Variants in CACHD1 observed in about 807,000 individuals in gnomAD.
CACHD1 encodes the protein VWFA and cache domain-containing protein 1.
Under a neutral mutation model 138.7 loss-of-function variants are expected in CACHD1, and 71 were observed. The ratio of observed to expected loss-of-function variants is 0.51; its 90% CI spans 0.42 to 0.62. The LOEUF is 0.62. Ranked by LOEUF, CACHD1 falls within the 20% of genes least tolerant of loss-of-function variation. The pLI, the probability that CACHD1 is intolerant of heterozygous loss-of-function variation, is 0.00. For synonymous variants in CACHD1, 578 were observed against 591.5 expected, an observed-to-expected ratio of 0.98 and a Z score of 0.33; for missense variants, 1,389 against 1,625.3, an observed-to-expected ratio of 0.85 and a Z score of 2.50.
At chr1:64,592,602 G>A (rs1647115311) in intron 3 of CACHD1, among the ~76,000 whole-genome samples, 1 of 152,144 alleles carries the variant, frequency 6.6e-6, no homozygotes, top group Admixed American at 6.5e-5. Context: ...TATAGCAATT[G>A]AGGATGGGGA....
chr1:64,582,450 A>T, intron 3 of CACHD1, 146 bp downstream of exon 3: 1 of 710,264 alleles, frequency 1.4e-6, no homozygotes, highest in Non-Finnish European at 2.2e-6. Context: ...TTATCTTTAG[A>T]TAAGTGATTT....
At chr1:64,599,526 A>G (rs1647193377) in intron 3 of CACHD1, among the ~76,000 whole-genome samples, 2 of 152,114 alleles carry the variant, frequency 1.3e-5, no homozygotes, top group South Asian at 4.2e-4. Context: ...GGGAGGGGCC[A>G]GTTTCGTTAG....
chr1:64,638,532 C>T (rs143698726), intron 7 of CACHD1, among the ~76,000 whole-genome samples: 1 of 152,090 alleles, frequency 6.6e-6, no homozygotes, highest in Non-Finnish European at 1.5e-5. Flanking sequence ...GCATTAACAT[C>T]CTGGAGTTGT....
At chr1:64,600,040 CTCTT>C (rs1378262871) in intron 3 of CACHD1, among the ~76,000 whole-genome samples, 2 of 152,136 alleles carry the variant, frequency 1.3e-5, no homozygotes, top group Non-Finnish European at 2.9e-5. Context: ...GTTTAAGTCT[CTCTT>C]AGGTCCCTGA....
intron 1 of CACHD1, among the ~76,000 whole-genome samples, chr1:64,546,768 T>C (rs1646721283): frequency 6.6e-6 from 1 of 152,212 alleles, no homozygotes; most frequent in Non-Finnish European, 1.5e-5. Context: ...TCCTGGCTCT[T>C]GCATTAAAAT....
At chr1:64,598,567 C>T (rs1350627421) in intron 3 of CACHD1, among the ~76,000 whole-genome samples, 3 of 152,138 alleles carry the variant, frequency 2.0e-5, no homozygotes, top group South Asian at 2.1e-4. Flanking sequence ...TATAAATCCT[C>T]CAGTAACCTA....
rs67605354 is a variant in CACHD1 at position 64,640,741 on chromosome 1, T to TTATATATATATATATATATATATA, written c.1007-1077_1007-1054dup. The stretch of plus-strand genomic sequence containing the variant: ...CACACACACACACACACTCTCAACA[T>TTATATATATATATATATATATATA]TATATATATATATATATATATATAT... On this transcript the variant is annotated intron_variant, in intron 7 of 26. Coordinates refer to ENST00000651257, the MANE Select transcript of CACHD1 (RefSeq NM_020925.4). Among the ~76,000 whole-genome samples, 27 of 149,394 alleles carry TTATATATATATATATATATATATA rather than the reference T, an allele frequency of 1.8e-4. 1 individual carries two copies. Among genetic ancestry groups the TTATATATATATATATATATATATA allele is most frequent in the African/African-American group, 6.6e-4 (26 of 39,666 alleles).
In CACHD1 at chr1:64,604,958, CT is replaced by C. The variant is rs1214400547; in HGVS notation, c.517+2054del. 5.0e-4 allele frequency among the ~76,000 whole-genome samples: 71 copies of C among 143,032 alleles called. 1 individual carries two copies. Among genetic ancestry groups the C allele is most frequent in the African/African-American group, 1.8e-3 (67 of 38,028 alleles). The allele number at this position is 143,032 out of a possible 152,430, so 93.8% of individuals were successfully genotyped here. On this transcript the variant is annotated intron_variant, in intron 4 of 26. Transcript: ENST00000651257. Reference sequence around the variant, plus strand: ...GAGCCACCTCGCCTAGGCTTTTTTTCTTTTTTTTCTTTGTTTTTTTTTTTTA... The same window carrying C: ...GAGCCACCTCGCCTAGGCTTTTTTTCTTTTTTTCTTTGTTTTTTTTTTTTA...
At position 64,626,562 on chromosome 1, in the gene CACHD1, T is replaced by C. The variant is rs76038471; in HGVS notation, c.518-2793T>C. Among the ~76,000 whole-genome samples the C allele has an allele frequency of 4.2e-3, 645 of 152,348 alleles. 5 individuals are homozygous for C. The highest frequency in any genetic ancestry group is 0.015 in the African/African-American group (617 of 41,576). On this transcript the variant is annotated intron_variant, in intron 4 of 26. Coordinates refer to ENST00000651257, the MANE Select transcript of CACHD1 (RefSeq NM_020925.4). ...CCTTTAATAAGTCATTGAGAGGAACTTGGCCTCTGGCTTCCTGTCTTGCTA... is the reference window on the plus strand; with the variant it reads ...CCTTTAATAAGTCATTGAGAGGAACCTGGCCTCTGGCTTCCTGTCTTGCTA...
intron 1 of CACHD1, among the ~76,000 whole-genome samples, chr1:64,478,785 A>T (rs1285026051): frequency 1.3e-5 from 2 of 152,152 alleles, no homozygotes; most frequent in Non-Finnish European, 2.9e-5. Context: ...GTAGGTAAGC[A>T]GGGAGTGGTG....
At position 64,582,239 on chromosome 1, in the gene CACHD1, G is replaced by T. The variant is rs375330131; in HGVS notation, c.345G>T (p.Thr115=). 6.2e-7 allele frequency: 1 copy of T among 1,613,880 alleles called. No homozygotes were observed. The change falls in exon 3 of 27, where the codon ACG becomes ACT. Residue 115 remains threonine, a synonymous_variant. Coordinates refer to ENST00000651257, the MANE Select transcript of CACHD1 (RefSeq NM_020925.4). ...AGCAAGTTGTAGAAGCATCCTATAC[G>T]GCTCACCTAACCTCTCCCCTAACTG... The part of the protein sequence containing the change: ...RNKQVVEASY[T]AHLTSPLTAI...
chr1:64,610,965 G>A (rs901386022), intron 4 of CACHD1, among the ~76,000 whole-genome samples: 1 of 152,200 alleles, frequency 6.6e-6, no homozygotes. Flanking sequence ...CCCAAACCTC[G>A]GCTCTTGTCG....
At chr1:64,562,691 G>A (rs1352103089) in intron 2 of CACHD1, among the ~76,000 whole-genome samples, 1 of 151,772 alleles carries the variant, frequency 6.6e-6, no homozygotes, top group East Asian at 1.9e-4. Context: ...AAAGTGCTGG[G>A]ATTACAGGAG....
At chr1:64,617,705 C>T (rs979047317) in intron 4 of CACHD1, among the ~76,000 whole-genome samples, 3 of 152,188 alleles carry the variant, frequency 2.0e-5, no homozygotes, top group Non-Finnish European at 4.4e-5. Context: ...GATCACTGAG[C>T]AACATGGCCT....
At chr1:64,561,257 CT>C (rs1646837020) in intron 2 of CACHD1, among the ~76,000 whole-genome samples, 1 of 151,764 alleles carries the variant, frequency 6.6e-6, no homozygotes, top group African/African-American at 2.4e-5. Context: ...ATCTAAAACC[CT>C]TGCAACTTAC....
intron 4 of CACHD1, among the ~76,000 whole-genome samples, chr1:64,628,673 C>T (rs1293056628): frequency 1.3e-5 from 2 of 152,072 alleles, no homozygotes; most frequent in Non-Finnish European, 2.9e-5. Context: ...AGGTTTGAAT[C>T]CCAGCTTGGC....
chr1:64,531,989 C>T (rs566596822), intron 1 of CACHD1, among the ~76,000 whole-genome samples: 1 of 152,262 alleles, frequency 6.6e-6, no homozygotes, highest in South Asian at 2.1e-4. Context: ...TAGAAACTCA[C>T]AGGATAGGGA....
At chr1:64,661,472 G>T (rs1256983997) in intron 13 of CACHD1, among the ~76,000 whole-genome samples, 2 of 152,102 alleles carry the variant, frequency 1.3e-5, no homozygotes, top group African/African-American at 4.8e-5. Context: ...CTACAAAAGA[G>T]ACCCCAAGCC....
rs1650010826 is a variant in CACHD1 at position 64,676,922 on chromosome 1, G to A, written c.3003G>A (p.Glu1001=). 48 of 1,613,664 alleles carry A rather than the reference G, an allele frequency of 3.0e-5. No homozygotes were observed. Among genetic ancestry groups the A allele is most frequent in the Non-Finnish European group, 4.0e-5 (47 of 1,179,868 alleles). ...ACCCCAGCTGCGAGGTCCACCAGGA[G>A]CCGGTGACATACACAGCTATTGACC... ...NRNPSCEVHQ[E]PVTYTAIDPG... is the part of the protein sequence containing the mutation. The change falls in exon 22 of 27, where the codon GAG becomes GAA. Residue 1001 remains glutamate (E), a synonymous_variant. Transcript: ENST00000651257.
Sources: gnomAD v4.1 joint callset for allele counts (sites outside exome capture counted in the v4.1 genomes callset) on GRCh38, gnomAD v4.1.1 for gene constraint, MANE v1.5 for transcripts, NCBI Gene and HGNC (gene_info 2026-07-23, HGNC 2026-07-21) for gene names.